Variants in ZNF709 observed in about 807,000 individuals in gnomAD.
The protein encoded by ZNF709 is zinc finger protein 709.
A neutral mutation model predicts 10.6 loss-of-function variants in ZNF709; 15 were observed. The ratio of observed to expected loss-of-function variants is 1.41; its 90% CI spans 0.95 to 2.18. The LOEUF (loss-of-function observed/expected upper bound fraction) is 2.18, where lower values mean the gene tolerates loss of function less well. Among genes scored for constraint, ZNF709 ranks in the 30% most tolerant of loss-of-function variants. The pLI, the probability that ZNF709 is intolerant of heterozygous loss-of-function variation, is 0.00. For missense variants in ZNF709, 589 were observed against 774.0 expected, an observed-to-expected ratio of 0.76 and a Z score of 2.84; for synonymous variants, 194 against 238.8, an observed-to-expected ratio of 0.81 and a Z score of 1.73.
At chr19:12,478,203 T>C (rs1457658769) in intron 1 of ZNF709, among the ~76,000 whole-genome samples, 1 of 152,184 alleles carries the variant, frequency 6.6e-6, no homozygotes, top group Non-Finnish European at 1.5e-5. Flanking sequence ...TGGCAGGTAG[T>C]CTTTCCCATG....
chr19:12,467,171 T>C (rs990198751), intron 1 of ZNF709, among the ~76,000 whole-genome samples: 15 of 152,312 alleles, frequency 9.8e-5, no homozygotes, highest in Non-Finnish European at 2.1e-4. Flanking sequence ...CTTTCCACGG[T>C]CTCCCTCTGA....
In ZNF709 at chr19:12,466,722, A is replaced by T. The variant is rs1424216648; in HGVS notation, c.130+2T>A. 1 of 1,613,862 alleles carries T rather than the reference A, an allele frequency of 6.2e-7. No homozygotes were observed. The highest frequency in any genetic ancestry group is 8.5e-7 in the Non-Finnish European group (1 of 1,179,986). The stretch of plus-strand genomic sequence containing the variant: ...TAAGTGAGGGAATAATTTCATTCTT[A>T]CCTATAGAGGCCAAGTTAACAAAGG... On this transcript the variant is annotated splice_donor_variant, in intron 2 of 3. Transcript: ENST00000397732. LOFTEE classifies it high-confidence loss of function.
At chr19:12,475,638 G>A (rs1970670374) in intron 1 of ZNF709, among the ~76,000 whole-genome samples, 1 of 152,148 alleles carries the variant, frequency 6.6e-6, no homozygotes, top group Non-Finnish European at 1.5e-5. Flanking sequence ...TTCCTGGTAA[G>A]ATGAGGAAAT....
At position 12,464,680 on chromosome 19, in the gene ZNF709, G is replaced by A. The variant is rs1568245291; in HGVS notation, c.1242C>T (p.His414=). 1 of 1,612,534 alleles carries A rather than the reference G, an allele frequency of 6.2e-7. No homozygotes were observed. Among genetic ancestry groups the A allele is most frequent in the South Asian group, 1.1e-5 (1 of 90,748 alleles). ...TACATTCATGGGGTTTCTCTCCAGTGTGAGTTCTTTCATGCATTCGAAAGG... is the reference window on the plus strand; with the variant it reads ...TACATTCATGGGGTTTCTCTCCAGTATGAGTTCTTTCATGCATTCGAAAGG... ...SSSFRMHERT[H]TGEKPHECKQ... is the part of the protein sequence containing the mutation. The change falls in exon 4 of 4, where the codon CAC becomes CAT. Residue 414 remains histidine (H), a synonymous_variant. Transcript: ENST00000397732.
chr19:12,463,437 T>C lies in ZNF709; in HGVS notation c.*559A>G, dbSNP rs954771668. 2.0e-5 allele frequency: 3 copies of C among 152,230 alleles called. No homozygotes were observed. The South Asian group carries it at 6.2e-4, about 32-fold the overall frequency. 9.4% of individuals were successfully genotyped at this position (152,230 alleles called of 1,614,324 possible). ...AAATTCTTTACATTTATAGGGCATA[T>C]GAAAATTCTTTACACTTCATATGCC... On this transcript the variant is annotated 3_prime_UTR_variant, in exon 4 of 4. Coordinates refer to ENST00000397732, the MANE Select transcript of ZNF709 (RefSeq NM_152601.4).
intron 1 of ZNF709, among the ~76,000 whole-genome samples, chr19:12,484,406 C>T (rs1460249406): frequency 6.6e-6 from 1 of 152,194 alleles, no homozygotes; most frequent in South Asian, 2.1e-4. Flanking sequence ...TCGGAGCTGC[C>T]CAGAGAGGGC....
intron 1 of ZNF709, among the ~76,000 whole-genome samples, chr19:12,478,923 C>T (rs973110048): frequency 1.3e-5 from 2 of 152,178 alleles, no homozygotes; most frequent in Non-Finnish European, 2.9e-5. Flanking sequence ...AGTCCAACTA[C>T]TCATTACAGA....
At position 12,467,134 on chromosome 19, in the gene ZNF709, C is replaced by G. The variant is rs542863409; in HGVS notation, c.4-284G>C. 5.9e-3 allele frequency among the ~76,000 whole-genome samples: 892 copies of G among 152,296 alleles called. 8 individuals carry two copies. Among genetic ancestry groups the G allele is most frequent in the African/African-American group, 0.021 (852 of 41,556 alleles). On this transcript the variant is annotated intron_variant, in intron 1 of 3. Transcript: ENST00000397732. ...ATGCTATACGATACTCTCCCTCTCC[C>G]TCTCCCCACGGTCTCCCTCTCCCTC... is the stretch of plus-strand genomic sequence containing the variant.
intron 1 of ZNF709, among the ~76,000 whole-genome samples, chr19:12,471,018 C>G (rs1364601987): frequency 2.0e-5 from 3 of 151,622 alleles, no homozygotes; most frequent in Non-Finnish European, 4.4e-5. Context: ...TTCTTAGAGT[C>G]TGGACTTTTT....
Position 12,484,727 on chromosome 19 carries a change from C to G in ZNF709, c.-70G>C. On this transcript the variant is annotated 5_prime_UTR_variant, in exon 1 of 4. Transcript: ENST00000397732. ...CGGCCAGCACAGGTCCTACCTCCAC[C>G]TGAGGCCCTTCCTCCACCTGAGGGC... The G allele has an allele frequency of 6.2e-7, 1 of 1,610,330 alleles. No individual in the cohort carries two copies. Among genetic ancestry groups the G allele is most frequent in the Non-Finnish European group, 8.5e-7 (1 of 1,176,784 alleles).
intron 1 of ZNF709, among the ~76,000 whole-genome samples, chr19:12,469,362 T>A (rs1279489479): frequency 6.6e-6 from 1 of 152,208 alleles, no homozygotes; most frequent in Non-Finnish European, 1.5e-5. Flanking sequence ...GTATAATATT[T>A]ATCACAGACC....
intron 3 of ZNF709, among the ~76,000 whole-genome samples, 176 bp from the exon 4 acceptor site, chr19:12,465,909 A>C (rs956523970): frequency 6.6e-6 from 1 of 152,074 alleles, no homozygotes; most frequent in Non-Finnish European, 1.5e-5. Flanking sequence ...GCTATTATCA[A>C]AACAATAAAA....
chr19:12,468,151 T>C (rs1331432012), intron 1 of ZNF709, among the ~76,000 whole-genome samples: 2 of 151,844 alleles, frequency 1.3e-5, no homozygotes, highest in Admixed American at 1.3e-4. Flanking sequence ...TTCTGGGAAG[T>C]GAGGAGCCCC....
chr19:12,465,839 CT>C, intron 3 of ZNF709, 106 bp from the exon 4 acceptor site: 1 of 956,190 alleles, frequency 1.0e-6, no homozygotes, highest in Non-Finnish European at 1.4e-6. Flanking sequence ...TAGAATTACA[CT>C]TTTGCCATTT....
At position 12,463,947 on chromosome 19, in the gene ZNF709, A is replaced by T; in HGVS notation, c.*49T>A. 28 of 1,216,056 alleles carry T rather than the reference A, an allele frequency of 2.3e-5. No homozygotes were observed. Among genetic ancestry groups the T allele is most frequent in the Non-Finnish European group, 2.7e-5 (25 of 919,206 alleles). 75.3% of individuals were successfully genotyped at this position (1,216,056 alleles called of 1,614,324 possible). Reference sequence around the variant, plus strand: ...AACTCAAAAAAAAAAAAAAAAAAAAAGGAAATAGGACAACTGAAAACTTTG... The same window carrying T: ...AACTCAAAAAAAAAAAAAAAAAAAATGGAAATAGGACAACTGAAAACTTTG... On this transcript the variant is annotated 3_prime_UTR_variant, in exon 4 of 4. Coordinates refer to ENST00000397732, the MANE Select transcript of ZNF709 (RefSeq NM_152601.4).
intron 1 of ZNF709, among the ~76,000 whole-genome samples, chr19:12,478,510 T>A (rs1179421303): frequency 6.6e-6 from 1 of 152,166 alleles, no homozygotes; most frequent in Admixed American, 6.5e-5. Context: ...AGCAATTCAG[T>A]GCAAGAGAAG....
At chr19:12,476,099 T>A (rs1363740791) in intron 1 of ZNF709, among the ~76,000 whole-genome samples, 2 of 152,050 alleles carry the variant, frequency 1.3e-5, no homozygotes, top group African/African-American at 2.4e-5. Context: ...CAGAACTAAA[T>A]GTAAAATCTA....
intron 1 of ZNF709, among the ~76,000 whole-genome samples, chr19:12,477,202 G>A (rs1029905669): frequency 2.0e-5 from 3 of 152,134 alleles, no homozygotes; most frequent in Non-Finnish European, 2.9e-5. Flanking sequence ...TTTAAGAAAG[G>A]CCAAACTGTA....
chr19:12,479,040 T>C (rs1297333465), intron 1 of ZNF709, among the ~76,000 whole-genome samples: 1 of 152,226 alleles, frequency 6.6e-6, no homozygotes, highest in East Asian at 1.9e-4. Context: ...CAGTGGTTTA[T>C]ACCTATAACA....
Sources: allele counts gnomAD v4.1 joint callset (sites outside exome capture counted in the v4.1 genomes callset), GRCh38; gene constraint gnomAD v4.1.1; transcripts MANE v1.5; gene names NCBI Gene and HGNC (gene_info 2026-07-23, HGNC 2026-07-21).